Variants in ST7 observed in about 807,000 individuals in gnomAD.
ST7 encodes suppressor of tumorigenicity 7 protein.
ST7 carries 28 observed loss-of-function variants against 78.7 expected under a neutral mutation model. The ratio of observed to expected loss-of-function variants is 0.36; its 90% CI spans 0.26 to 0.49. ST7 has a LOEUF of 0.49. Among genes scored for constraint, ST7 ranks in the 20% least tolerant of loss-of-function variants. The pLI is 0.99. For synonymous variants in ST7, 247 were observed against 249.6 expected, an observed-to-expected ratio of 0.99 and a Z score of 0.10; for missense variants, 418 against 696.0, an observed-to-expected ratio of 0.60 and a Z score of 4.49.
At chr7:117,135,231 C>T (rs901750590) in intron 7 of ST7, among the ~76,000 whole-genome samples, 6 of 151,994 alleles carry the variant, frequency 3.9e-5, no homozygotes, top group Non-Finnish European at 7.4e-5. Flanking sequence ...TTCACAAGAA[C>T]TCCCCATGTT....
At chr7:117,208,847 A>G (rs1351190786) in intron 12 of ST7, among the ~76,000 whole-genome samples, 1 of 150,146 alleles carries the variant, frequency 6.7e-6, no homozygotes, top group Non-Finnish European at 1.5e-5. Context: ...AGGAGATTGC[A>G]TGGGCTGTTG....
At chr7:117,155,287 T>G (rs1200136605) in intron 9 of ST7, among the ~76,000 whole-genome samples, 1 of 152,086 alleles carries the variant, frequency 6.6e-6, no homozygotes, top group Non-Finnish European at 1.5e-5. Flanking sequence ...AAAGGGAAGG[T>G]CAGAATGAGA....
intron 2 of ST7, among the ~76,000 whole-genome samples, chr7:117,109,974 A>G (rs1376516868): frequency 6.6e-6 from 1 of 152,194 alleles, no homozygotes; most frequent in Non-Finnish European, 1.5e-5. Context: ...CAGAAAAAAC[A>G]TTTGACAAAA....
At chr7:117,160,668 T>TATATATAC (rs1807072967) in intron 9 of ST7, among the ~76,000 whole-genome samples, 24 of 151,782 alleles carry the variant, frequency 1.6e-4, no homozygotes, top group Middle Eastern at 6.8e-3. Flanking sequence ...TATATATATA[T>TATATATAC]ACATATATGT....
At chr7:116,962,824 G>A (rs188326054) in intron 1 of ST7, among the ~76,000 whole-genome samples, 29 of 152,202 alleles carry the variant, frequency 1.9e-4, no homozygotes, top group Non-Finnish European at 3.2e-4. Flanking sequence ...GGATCATGTC[G>A]TCTGCAAACA....
At chr7:117,088,245 A>G (rs1415024650) in intron 1 of ST7, among the ~76,000 whole-genome samples, 1 of 151,940 alleles carries the variant, frequency 6.6e-6, no homozygotes, top group African/African-American at 2.4e-5. Flanking sequence ...TTTTATCTGT[A>G]CTTCTCTTCT....
At chr7:117,088,964 A>G (rs1200887701) in intron 1 of ST7, among the ~76,000 whole-genome samples, 1 of 152,258 alleles carries the variant, frequency 6.6e-6, no homozygotes, top group African/African-American at 2.4e-5. Context: ...CGTATAGTAC[A>G]TACAGATAAG....
intron 7 of ST7, among the ~76,000 whole-genome samples, chr7:117,134,818 T>A (rs1021647380): frequency 2.0e-5 from 3 of 152,058 alleles, no homozygotes; most frequent in Non-Finnish European, 2.9e-5. Flanking sequence ...TAGCTGTTTT[T>A]CTGGGCATTT....
At chr7:117,200,423 T>C (rs961872399) in intron 12 of ST7, among the ~76,000 whole-genome samples, 1 of 152,154 alleles carries the variant, frequency 6.6e-6, no homozygotes, top group African/African-American at 2.4e-5. Flanking sequence ...CAGTACCCGT[T>C]CCTTAGCATG....
chr7:117,222,409 C>A (rs553700325), intron 15 of ST7, among the ~76,000 whole-genome samples: 1 of 152,050 alleles, frequency 6.6e-6, no homozygotes, highest in Non-Finnish European at 1.5e-5. Flanking sequence ...TATTTCCAAT[C>A]GTTGGATATT....
At chr7:116,956,675 A>T (rs768412864) in intron 1 of ST7, 2 of 469,934 alleles carry the variant, frequency 4.3e-6, no homozygotes, top group East Asian at 1.4e-4. Context: ...TCTTCTCAAT[A>T]TCTTGACCAT....
chr7:117,148,551 G>T, intron 9 of ST7, among the ~76,000 whole-genome samples: 1 of 152,084 alleles, frequency 6.6e-6, no homozygotes, highest in East Asian at 1.9e-4. Context: ...TGTCTTTCAT[G>T]TTTTCTATGT....
chr7:117,128,902 A>G (rs1430062095), intron 3 of ST7, among the ~76,000 whole-genome samples: 2 of 151,928 alleles, frequency 1.3e-5, no homozygotes, highest in Non-Finnish European at 2.9e-5. Flanking sequence ...GCACACGCAC[A>G]TAGATGTTTT....
In ST7 at chr7:116,968,321, TTCCTTCCTTTCCTC is replaced by T. The variant is rs1175958524; in HGVS notation, c.151+14631_151+14644del. The T allele has an allele frequency of 3.2e-3, 419 of 130,198 alleles. 2 individuals are homozygous for T. The highest frequency in any genetic ancestry group is 5.2e-3 in the Non-Finnish European group (334 of 63,698). 8.1% of individuals were successfully genotyped at this position (130,198 alleles called of 1,614,324 possible). A position where few individuals can be genotyped will look rare whatever the true frequency, so the allele number is the denominator to read the frequency against. On this transcript the variant is annotated intron_variant, in intron 1 of 15. Transcript: ENST00000323984. Reference sequence around the variant, plus strand: ...CTTCCTTCCTTCCTTCCTTCCTTCCTTCCTTCCTTTCCTCCCTCCCTCCCTCCCTCCCTCCTTCT... The same window carrying T: ...CTTCCTTCCTTCCTTCCTTCCTTCCTCCTCCCTCCCTCCCTCCCTCCTTCT...
intron 15 of ST7, among the ~76,000 whole-genome samples, chr7:117,227,233 T>C (rs1793505254): frequency 6.6e-6 from 1 of 152,230 alleles, no homozygotes; most frequent in Admixed American, 6.5e-5. Context: ...ATGCCTGTTA[T>C]CTAGCTGCGC....
intron 1 of ST7, among the ~76,000 whole-genome samples, chr7:117,004,455 G>A (rs1795075240): frequency 6.6e-6 from 1 of 152,150 alleles, no homozygotes; most frequent in East Asian, 1.9e-4. Context: ...GAGGTCAGGA[G>A]TTCGAGACCA....
In ST7 at chr7:117,016,917, A is replaced by G. The variant is rs1469710850; in HGVS notation, c.151+63226A>G. ...GAGCATTTATTTTGCTTTCAGCACA[A>G]TCACTTTTGTACTAATGGCATCATT... On this transcript the variant is annotated intron_variant, in intron 1 of 15. Transcript: ENST00000323984. Among the ~76,000 whole-genome samples the G allele has an allele frequency of 3.3e-5, 5 of 152,330 alleles. No individual in the cohort carries two copies. In the East Asian group the frequency reaches 7.7e-4, roughly 23 times the overall value.
intron 1 of ST7, among the ~76,000 whole-genome samples, chr7:116,960,641 A>C (rs1169905263): frequency 6.6e-6 from 1 of 152,102 alleles, no homozygotes; most frequent in Non-Finnish European, 1.5e-5. Context: ...CATTGGTAGA[A>C]CCCTGAACTC....
intron 9 of ST7, among the ~76,000 whole-genome samples, chr7:117,159,672 A>G (rs1806975589): frequency 6.6e-6 from 1 of 152,212 alleles, no homozygotes; most frequent in South Asian, 2.1e-4. Context: ...TATTTGGTAC[A>G]TTATTTTAAA....
Sources: gnomAD v4.1 joint callset for allele counts (sites outside exome capture counted in the v4.1 genomes callset) on GRCh38, gnomAD v4.1.1 for gene constraint, MANE v1.5 for transcripts, NCBI Gene and HGNC (gene_info 2026-07-23, HGNC 2026-07-21) for gene names.